CAMK2D: variants seen among roughly 807,000 people sequenced by gnomAD.
CAMK2D encodes calcium/calmodulin dependent protein kinase II delta, also known as calcium/calmodulin-dependent protein kinase type II subunit delta.
In CAMK2D, 37 loss-of-function variants were observed where a neutral mutation model predicts 84.0. The observed-to-expected ratio is 0.44, with a 90% confidence interval of 0.34 to 0.58. CAMK2D has a LOEUF of 0.58. Among genes scored for constraint, CAMK2D ranks in the 20% least tolerant of loss-of-function variants. The pLI is 0.02. For missense variants in CAMK2D, 448 were observed against 652.5 expected, an observed-to-expected ratio of 0.69 and a Z score of 3.41; for synonymous variants, 202 against 212.5, an observed-to-expected ratio of 0.95 and a Z score of 0.43.
intron 16 of CAMK2D, among the ~76,000 whole-genome samples, chr4:113,487,408 C>G (rs888621651): frequency 2.6e-5 from 4 of 151,888 alleles, no homozygotes; most frequent in Non-Finnish European, 4.4e-5. Flanking sequence ...AATACAAACT[C>G]AGCAAAGGAG....
At position 113,581,279 on chromosome 4, in the gene CAMK2D, C is replaced by T. The variant is rs1467133901; in HGVS notation, c.275+27873G>A. On this transcript the variant is annotated intron_variant, in intron 4 of 20. Transcript: ENST00000511664. The stretch of plus-strand genomic sequence containing the variant: ...CTGTAATCCCAGCACTTTGGGAGGC[C>T]GAGGCGGGTGGATCACCTGAGGTCA... Among the ~76,000 whole-genome samples the T allele has an allele frequency of 4.0e-5, 6 of 151,812 alleles. No individual in the cohort carries two copies. In the South Asian group the frequency reaches 8.3e-4, roughly 21 times the overall value.
chr4:113,672,234 C>T (rs1381162956), intron 2 of CAMK2D, among the ~76,000 whole-genome samples: 4 of 151,952 alleles, frequency 2.6e-5, no homozygotes, highest in Non-Finnish European at 4.4e-5. Flanking sequence ...ATGAGTGACC[C>T]GCCATAGTAA....
At chr4:113,695,283 A>C (rs1398896103) in intron 2 of CAMK2D, among the ~76,000 whole-genome samples, 1 of 152,102 alleles carries the variant, frequency 6.6e-6, no homozygotes, top group African/African-American at 2.4e-5. Context: ...ATTTTGAAAT[A>C]ATTTCCTATT....
chr4:113,718,409 T>A (rs746837786), intron 2 of CAMK2D, among the ~76,000 whole-genome samples: 1 of 152,146 alleles, frequency 6.6e-6, no homozygotes, highest in African/African-American at 2.4e-5. Context: ...CAAGACCAGA[T>A]GAGCCAGTTT....
In CAMK2D at chr4:113,466,288, AT is replaced by A. The variant is rs59679441; in HGVS notation, c.1136-685del. Among the ~76,000 whole-genome samples, 614 of 114,974 alleles carry A rather than the reference AT, an allele frequency of 5.3e-3. 4 individuals carry two copies. Among genetic ancestry groups the A allele is most frequent in the African/African-American group, 0.019 (565 of 30,318 alleles). 75.4% of individuals were successfully genotyped at this position (114,974 alleles called of 152,430 possible). A position where few individuals can be genotyped will look rare whatever the true frequency, so the allele number is the denominator to read the frequency against. The stretch of plus-strand genomic sequence containing the variant: ...TAAATAAATAAATAAATAAATAAAT[AT>A]AAAATAAAATAAAATAAAATTAGTT... On this transcript the variant is annotated intron_variant, in intron 16 of 20. Coordinates refer to ENST00000511664, the MANE Select transcript of CAMK2D (RefSeq NM_001321571.2).
chr4:113,639,081 A>G (rs1422701466), intron 3 of CAMK2D, among the ~76,000 whole-genome samples: 1 of 99,288 alleles, frequency 1.0e-5, no homozygotes, highest in Non-Finnish European at 1.8e-5. Context: ...TGCCTCTACC[A>G]AAAAAAAAAA....
At chr4:113,659,989 T>G (rs752009909) in intron 3 of CAMK2D, among the ~76,000 whole-genome samples, 42 of 152,154 alleles carry the variant, frequency 2.8e-4, no homozygotes, top group Non-Finnish European at 6.0e-4. Flanking sequence ...TTTAAGACCC[T>G]AAGATGCACC....
chr4:113,757,619 T>C (rs541349092), intron 2 of CAMK2D, among the ~76,000 whole-genome samples: 4 of 152,276 alleles, frequency 2.6e-5, no homozygotes, highest in Admixed American at 2.6e-4. Flanking sequence ...CTCTTCACCC[T>C]AGTTCCTTTT....
chr4:113,707,531 G>C (rs1338805009), intron 2 of CAMK2D, among the ~76,000 whole-genome samples: 1 of 152,122 alleles, frequency 6.6e-6, no homozygotes, highest in Non-Finnish European at 1.5e-5. Flanking sequence ...ATCTTTTCTA[G>C]AATTATTTAA....
At chr4:113,624,335 T>C (rs2154279713) in intron 3 of CAMK2D, among the ~76,000 whole-genome samples, 1 of 152,280 alleles carries the variant, frequency 6.6e-6, no homozygotes. Flanking sequence ...CAAGCAAACT[T>C]GAATCTTTTC....
At chr4:113,633,473 G>C (rs1202420303) in intron 3 of CAMK2D, among the ~76,000 whole-genome samples, 2 of 152,182 alleles carry the variant, frequency 1.3e-5, no homozygotes, top group East Asian at 3.8e-4. Context: ...AGCAGTCACT[G>C]CTCCAAATAA....
intron 2 of CAMK2D, among the ~76,000 whole-genome samples, chr4:113,725,182 G>A (rs140234520): frequency 1.3e-5 from 2 of 152,060 alleles, no homozygotes; most frequent in East Asian, 3.9e-4. Flanking sequence ...GATTGTGGGA[G>A]GAAGGGTCTC....
At chr4:113,517,736 T>A in intron 8 of CAMK2D, 79 bp from the exon 9 acceptor site, 1 of 709,776 alleles carries the variant, frequency 1.4e-6, no homozygotes, top group Non-Finnish European at 2.5e-6. Context: ...CACAATGATA[T>A]TAAGCCGTAG....
At chr4:113,750,660 G>A (rs551292367) in intron 2 of CAMK2D, among the ~76,000 whole-genome samples, 3 of 152,196 alleles carry the variant, frequency 2.0e-5, no homozygotes, top group South Asian at 4.1e-4. Flanking sequence ...CTGAATAAAC[G>A]AATAAAAAAT....
In CAMK2D at chr4:113,509,934, T is replaced by C. The variant is rs1237235766; in HGVS notation, c.947-259A>G. On this transcript the variant is annotated intron_variant, in intron 12 of 20. Transcript: ENST00000511664. The stretch of plus-strand genomic sequence containing the variant: ...AATTGAATACTTTGCCAGTTGTGTT[T>C]ATTGGACTTTATTTCACTGTTGGTT... Among the ~76,000 whole-genome samples, 3 of 152,230 alleles carry C rather than the reference T, an allele frequency of 2.0e-5. No individual in the cohort carries two copies. The East Asian group carries it at 5.8e-4, about 29-fold the overall frequency.
At position 113,515,053 on chromosome 4, in the gene CAMK2D, GAGA is replaced by G; in HGVS notation, c.819+13_819+15del. On this transcript the variant is annotated intron_variant, in intron 10 of 20. Transcript: ENST00000511664. ...TTTCATTTTAGTTCTTGAAGTTTTG[GAGA>G]AGTTTTACTTACACAGATCCATGGG... 6.2e-7 allele frequency: 1 copy of G among 1,610,700 alleles called. No individual in the cohort carries two copies. The highest frequency in any genetic ancestry group is 8.5e-7 in the Non-Finnish European group (1 of 1,177,194).
At chr4:113,758,335 A>T (rs1473225834) in intron 2 of CAMK2D, among the ~76,000 whole-genome samples, 1 of 152,152 alleles carries the variant, frequency 6.6e-6, no homozygotes, top group Non-Finnish European at 1.5e-5. Flanking sequence ...TAAAAGTAGA[A>T]TTTGCAATAA....
chr4:113,523,248 A>G (rs2098384476), intron 8 of CAMK2D, among the ~76,000 whole-genome samples: 1 of 152,180 alleles, frequency 6.6e-6, no homozygotes, highest in African/African-American at 2.4e-5. Flanking sequence ...AACCTCTGAC[A>G]TATCCTGTAA....
intron 2 of CAMK2D, among the ~76,000 whole-genome samples, chr4:113,748,963 A>G (rs1197213844): frequency 3.9e-5 from 6 of 151,984 alleles, no homozygotes; most frequent in Non-Finnish European, 4.4e-5. Context: ...ATTAAAGCAT[A>G]TAAAATTCAC....
Sources: gnomAD v4.1 joint callset for allele counts (sites outside exome capture counted in the v4.1 genomes callset) on GRCh38, gnomAD v4.1.1 for gene constraint, MANE v1.5 for transcripts, NCBI Gene and HGNC (gene_info 2026-07-23, HGNC 2026-07-21) for gene names.